Variants in LGSN observed in about 807,000 individuals in gnomAD.
The protein encoded by LGSN is lengsin.
In LGSN, 21 loss-of-function variants were observed where a neutral mutation model predicts 19.5. The ratio of observed to expected loss-of-function variants is 1.07; its 90% confidence interval spans 0.76 to 1.55. LGSN has a LOEUF of 1.55. LGSN is among the 40% of genes most tolerant of loss of function. The pLI, the probability that LGSN is intolerant of heterozygous loss-of-function variation, is 0.00. For missense variants in LGSN, 673 were observed against 608.5 expected (o/e 1.11, Z -1.12); for synonymous variants, 257 against 215.6 (o/e 1.19, Z -1.68).
At chr6:63,384,382 T>TA in the LGSN span, among the ~76,000 whole-genome samples, 1 of 152,164 alleles carries the variant, frequency 6.6e-6, no homozygotes, top group Non-Finnish European at 1.5e-5. Flanking sequence ...GGGAGAAACT[T>TA]ATGGAAAGGT....
chr6:63,522,567 A>G, the LGSN span, among the ~76,000 whole-genome samples: 3 of 152,360 alleles, frequency 2.0e-5, no homozygotes, highest in South Asian at 6.2e-4. Flanking sequence ...AAAGGGCTCT[A>G]TAAGTTGAAT....
intron 1 of LGSN, among the ~76,000 whole-genome samples, chr6:63,295,443 G>T (rs1767948346): frequency 4.0e-5 from 6 of 151,586 alleles, no homozygotes; most frequent in Admixed American, 2.6e-4. Context: ...TAACCTTTTT[G>T]TCTGAAGGCA....
chr6:63,417,657 G>T, the LGSN span, among the ~76,000 whole-genome samples: 1 of 152,146 alleles, frequency 6.6e-6, no homozygotes, highest in East Asian at 1.9e-4. Context: ...CACCAAGATT[G>T]CTTTAAAATA....
At chr6:63,468,192 G>A in the LGSN span, among the ~76,000 whole-genome samples, 57 of 152,168 alleles carry the variant, frequency 3.7e-4, no homozygotes, top group African/African-American at 1.3e-3. Context: ...GTGGAATGGT[G>A]CAATCTTGGC....
chr6:63,390,354 T>G, the LGSN span, among the ~76,000 whole-genome samples: 1 of 151,584 alleles, frequency 6.6e-6, no homozygotes, highest in South Asian at 2.1e-4. Context: ...GGTCTCAAAC[T>G]CCTAACCTCA....
the LGSN span, among the ~76,000 whole-genome samples, chr6:63,417,474 A>T: frequency 1.3e-5 from 2 of 152,164 alleles, no homozygotes; most frequent in Non-Finnish European, 2.9e-5. Context: ...TATCTCCTTG[A>T]TGACTAGAAT....
the LGSN span, among the ~76,000 whole-genome samples, chr6:63,537,336 A>C: frequency 6.1e-3 from 922 of 152,326 alleles, 13 homozygotes; most frequent in African/African-American, 0.021. Context: ...AGGAATCCTG[A>C]TTTAACAAGC....
chr6:63,357,890 G>T, the LGSN span, among the ~76,000 whole-genome samples: 5 of 152,168 alleles, frequency 3.3e-5, no homozygotes, highest in East Asian at 1.9e-4. Context: ...TGGTGTTTTA[G>T]ACATGAAGTC....
the LGSN span, among the ~76,000 whole-genome samples, chr6:63,487,557 C>T: frequency 6.6e-6 from 1 of 152,330 alleles, no homozygotes; most frequent in South Asian, 2.1e-4. Context: ...GTTAAGAGAA[C>T]TCAAACTTGT....
At chr6:63,353,847 A>G in the LGSN span, among the ~76,000 whole-genome samples, 4,166 of 152,192 alleles carry the variant, frequency 0.027, 187 homozygotes, top group African/African-American at 0.096. Flanking sequence ...GTCTACATAT[A>G]AGGCAACTGA....
chr6:63,476,564 C>G, the LGSN span, among the ~76,000 whole-genome samples: 2 of 152,202 alleles, frequency 1.3e-5, no homozygotes, highest in East Asian at 3.8e-4. Context: ...TGGCTTTCAG[C>G]TGGGAGCTCA....
At chr6:63,543,060 A>G in the LGSN span, among the ~76,000 whole-genome samples, 2 of 152,148 alleles carry the variant, frequency 1.3e-5, no homozygotes, top group African/African-American at 4.8e-5. Context: ...TCTTTTTTCA[A>G]CTATATCCCC....
the LGSN span, among the ~76,000 whole-genome samples, chr6:63,337,071 G>A: frequency 3.2e-3 from 479 of 151,368 alleles, 3 homozygotes; most frequent in African/African-American, 0.011. Flanking sequence ...TTACAGGCAC[G>A]CACCACCATG....
At chr6:63,380,672 A>T in the LGSN span, among the ~76,000 whole-genome samples, 1 of 152,160 alleles carries the variant, frequency 6.6e-6, no homozygotes, top group African/African-American at 2.4e-5. Flanking sequence ...GCATCAAAAT[A>T]AAAAAATAGC....
At chr6:63,519,020 A>G in the LGSN span, among the ~76,000 whole-genome samples, 1 of 152,344 alleles carries the variant, frequency 6.6e-6, no homozygotes, top group East Asian at 1.9e-4. Context: ...AAGTGAGATA[A>G]ATAAAGACTA....
At chr6:63,405,453 C>T in the LGSN span, among the ~76,000 whole-genome samples, 4 of 152,170 alleles carry the variant, frequency 2.6e-5, no homozygotes, top group East Asian at 5.8e-4. Context: ...TTCTCCACAT[C>T]CTCTTCAGCA....
chr6:63,373,891 G>A, the LGSN span, among the ~76,000 whole-genome samples: 3 of 151,882 alleles, frequency 2.0e-5, no homozygotes, highest in South Asian at 6.2e-4. Flanking sequence ...GCCAAGATGG[G>A]GCCACTGCAC....
At chr6:63,533,834 TA>T in the LGSN span, among the ~76,000 whole-genome samples, 1 of 151,632 alleles carries the variant, frequency 6.6e-6, no homozygotes, top group Non-Finnish European at 1.5e-5. Flanking sequence ...CAAACTTTTT[TA>T]ATTAATTAAT....
the LGSN span, among the ~76,000 whole-genome samples, chr6:63,516,468 C>G: frequency 6.6e-6 from 1 of 152,176 alleles, no homozygotes; most frequent in Admixed American, 6.6e-5. Flanking sequence ...TGCTTGAGAG[C>G]TCTGAAGTTT....
Sources: gnomAD v4.1 joint callset for allele counts (sites outside exome capture counted in the v4.1 genomes callset) on GRCh38, gnomAD v4.1.1 for gene constraint, MANE v1.5 for transcripts, NCBI Gene and HGNC (gene_info 2026-07-23, HGNC 2026-07-21) for gene names.